The following IMMP1L variants were observed in gnomAD, a reference collection of about 807,000 sequenced individuals.
IMMP1L encodes inner mitochondrial membrane peptidase subunit 1.
Under a neutral mutation model 21.8 loss-of-function variants are expected in IMMP1L, and 24 were observed. The ratio of observed to expected loss-of-function variants is 1.10; its 90% CI spans 0.80 to 1.55. The LOEUF (loss-of-function observed/expected upper bound fraction) is 1.55, where lower values mean the gene tolerates loss of function less well. Among genes scored for constraint, IMMP1L ranks in the 40% most tolerant of loss-of-function variants. The pLI is 0.00. For synonymous variants in IMMP1L, 46 were observed against 62.8 expected (o/e 0.73, Z 1.26); for missense variants, 195 against 200.7 (o/e 0.97, Z 0.17).
At chr11:31,463,064 T>C (rs1954205324) in intron 2 of IMMP1L, 108 bp downstream of exon 2, 2 of 766,340 alleles carry the variant, frequency 2.6e-6, no homozygotes, top group Non-Finnish European at 4.0e-6. Context: ...TTTCACAGTT[T>C]AGTCATTAAA....
chr11:31,459,310 C>G (rs942672209), intron 3 of IMMP1L, among the ~76,000 whole-genome samples: 3 of 152,044 alleles, frequency 2.0e-5, no homozygotes, highest in African/African-American at 7.3e-5. Context: ...TAGGTTATAG[C>G]AAAGGTGAAT....
intron 4 of IMMP1L, among the ~76,000 whole-genome samples, chr11:31,449,316 C>T (rs908541582): frequency 2.0e-5 from 3 of 152,076 alleles, no homozygotes; most frequent in African/African-American, 7.2e-5. Context: ...AGGGAAATGA[C>T]ATTTAAACAA....
intron 4 of IMMP1L, among the ~76,000 whole-genome samples, chr11:31,450,074 A>G (rs1953688788): frequency 6.6e-6 from 1 of 152,230 alleles, no homozygotes; most frequent in South Asian, 2.1e-4. Context: ...TCTTCATTTT[A>G]CAATAAACCA....
intron 4 of IMMP1L, among the ~76,000 whole-genome samples, chr11:31,455,693 C>T (rs983209310): frequency 1.3e-5 from 2 of 152,094 alleles, no homozygotes; most frequent in Non-Finnish European, 2.9e-5. Context: ...TCAATCTTTC[C>T]ATGTTTTTTA....
intron 1 of IMMP1L, among the ~76,000 whole-genome samples, chr11:31,492,305 A>G (rs1955282987): frequency 6.6e-6 from 1 of 152,120 alleles, no homozygotes; most frequent in South Asian, 2.1e-4. Flanking sequence ...TATCTTTCAA[A>G]TGTTCTTCTG....
At chr11:31,505,443 A>C (rs1390088104) in intron 1 of IMMP1L, among the ~76,000 whole-genome samples, 1 of 152,212 alleles carries the variant, frequency 6.6e-6, no homozygotes, top group African/African-American at 2.4e-5. Context: ...GAAGTAGAAG[A>C]AGCAGTGCCA....
intron 1 of IMMP1L, among the ~76,000 whole-genome samples, chr11:31,500,604 CACACACAA>C (rs903919857): frequency 8.7e-5 from 13 of 148,778 alleles, no homozygotes; most frequent in African/African-American, 2.9e-4. Context: ...CACACACACA[CACACACAA>C]ACACACACAC....
chr11:31,471,503 A>T (rs1206644636), intron 1 of IMMP1L, among the ~76,000 whole-genome samples: 1 of 152,152 alleles, frequency 6.6e-6, no homozygotes, highest in Non-Finnish European at 1.5e-5. Context: ...TTAGATGCTA[A>T]ATTATATATA....
intron 1 of IMMP1L, among the ~76,000 whole-genome samples, chr11:31,501,521 T>A (rs1338086614): frequency 6.6e-6 from 1 of 152,180 alleles, no homozygotes; most frequent in Non-Finnish European, 1.5e-5. Flanking sequence ...GTTTCCTGAA[T>A]TGTGAGCCAA....
intron 5 of IMMP1L, 97 bp from the exon 6 acceptor site, chr11:31,432,665 A>T: frequency 1.3e-6 from 1 of 788,988 alleles, no homozygotes; most frequent in East Asian, 2.5e-5. Context: ...TCTATGCCAG[A>T]TAAACACTTT....
At chr11:31,465,274 C>T (rs1340084115) in intron 1 of IMMP1L, among the ~76,000 whole-genome samples, 1 of 151,756 alleles carries the variant, frequency 6.6e-6, no homozygotes, top group African/African-American at 2.4e-5. Flanking sequence ...ATGAAAACTA[C>T]AAAAACACTG....
intron 1 of IMMP1L, among the ~76,000 whole-genome samples, chr11:31,492,188 C>A (rs556327148): frequency 1.3e-5 from 2 of 152,274 alleles, no homozygotes; most frequent in African/African-American, 4.8e-5. Flanking sequence ...ACTTCATGTA[C>A]CCACCTATAT....
intron 1 of IMMP1L, among the ~76,000 whole-genome samples, chr11:31,472,870 A>AT (rs1274478386): frequency 1.3e-5 from 2 of 151,540 alleles, no homozygotes; most frequent in African/African-American, 2.4e-5. Flanking sequence ...TTATTTATTT[A>AT]TTTATTTTTT....
chr11:31,432,534 G>A lies in IMMP1L; in HGVS notation c.467C>T (p.Ala156Val), dbSNP rs746719726. ...WPLSDFGFLR[A>V]SPNGHRFSDD is the part of the protein sequence containing the mutation. ...AGAAAATCTGTGGCCATTAGGGCTG[G>A]CACGTAAAAATCCAAAATCACTCAG... Residue 156 changes from alanine to valine, a missense_variant, in exon 6 of 6, where the codon GCC becomes GTC. Physicochemically the swap from Ala to Val is moderately conservative, Grantham distance 64. Transcript: ENST00000532287. 3.7e-6 allele frequency: 6 copies of A among 1,613,000 alleles called. No individual in the cohort carries two copies. The African/African-American group carries it at 6.7e-5, about 18-fold the overall frequency.
intron 1 of IMMP1L, among the ~76,000 whole-genome samples, chr11:31,486,848 G>A (rs559194940): frequency 2.0e-5 from 3 of 151,544 alleles, no homozygotes; most frequent in Non-Finnish European, 4.4e-5. Context: ...AAAATGAGGC[G>A]AAAAAAGTAA....
In IMMP1L at chr11:31,463,304, G is replaced by A. The variant is rs1483505094; in HGVS notation, c.-28C>T. ...TTCTATGTAGACTCTGCCACCATTG[G>A]CCTGATGGTAAATTTCAAAAAGTTT... is the stretch of plus-strand genomic sequence containing the variant. On this transcript the variant is annotated splice_region_variant and 5_prime_UTR_variant, in exon 2 of 6. Coordinates refer to ENST00000532287, the MANE Select transcript of IMMP1L (RefSeq NM_001304274.2). The A allele has an allele frequency of 5.1e-6, 8 of 1,568,728 alleles. No homozygotes were observed. Among genetic ancestry groups the A allele is most frequent in the Non-Finnish European group, 6.9e-6 (8 of 1,165,150 alleles).
chr11:31,446,082 C>A (rs1483100458), intron 4 of IMMP1L, among the ~76,000 whole-genome samples: 1 of 152,098 alleles, frequency 6.6e-6, no homozygotes, highest in Middle Eastern at 3.2e-3. Context: ...TATATATCTT[C>A]TTTCCATTTC....
At chr11:31,447,474 C>A (rs1564972547) in intron 4 of IMMP1L, among the ~76,000 whole-genome samples, 1 of 152,138 alleles carries the variant, frequency 6.6e-6, no homozygotes, top group Non-Finnish European at 1.5e-5. Flanking sequence ...TTCTTGCTTT[C>A]AAGAATCATA....
chr11:31,445,987 C>T (rs919259749), intron 4 of IMMP1L, among the ~76,000 whole-genome samples: 2 of 152,088 alleles, frequency 1.3e-5, no homozygotes, highest in Admixed American at 6.5e-5. Flanking sequence ...TTGCTACTTG[C>T]TGTAAAATTT....
Sources: gnomAD v4.1 joint callset for allele counts (sites outside exome capture counted in the v4.1 genomes callset) on GRCh38, gnomAD v4.1.1 for gene constraint, MANE v1.5 for transcripts, NCBI Gene and HGNC (gene_info 2026-07-23, HGNC 2026-07-21) for gene names.